The following ANK2 variants were observed in gnomAD, a reference collection of about 807,000 sequenced individuals.
The protein encoded by ANK2 is ankyrin 2, also known as ankyrin-2.
In ANK2, 83 loss-of-function variants were observed where a neutral mutation model predicts 360.5. That is an observed-to-expected ratio of 0.23 (90% CI 0.19 to 0.28). ANK2 has a LOEUF of 0.28. ANK2 is among the 10% of genes least tolerant of loss of function. The pLI is 1.00. For missense variants in ANK2, 4,201 were observed against 4,795.7 expected (o/e 0.88, Z 3.66); for synonymous variants, 1,740 against 1,759.5 (o/e 0.99, Z 0.28).
chr4:113,269,024 T>G (rs2057400343), intron 14 of ANK2, among the ~76,000 whole-genome samples: 1 of 152,232 alleles, frequency 6.6e-6, no homozygotes, highest in South Asian at 2.1e-4. Context: ...TTTTCTAGTT[T>G]ATTGGTGTAG....
chr4:113,000,965 A>G (rs1296430772), intron 2 of ANK2, among the ~76,000 whole-genome samples: 1 of 152,184 alleles, frequency 6.6e-6, no homozygotes, highest in Non-Finnish European at 1.5e-5. Context: ...CATGTCTGAG[A>G]TAGTAGATAT....
chr4:112,831,550 G>A (rs2059728929), intron 1 of ANK2, among the ~76,000 whole-genome samples: 1 of 148,706 alleles, frequency 6.7e-6, no homozygotes, highest in Non-Finnish European at 1.5e-5. Context: ...TGTCAAAACG[G>A]ACCAATCAAC....
the ANK2 span, among the ~76,000 whole-genome samples, chr4:112,796,667 TTTTTC>T: frequency 2.0e-5 from 3 of 151,472 alleles, no homozygotes; most frequent in South Asian, 6.2e-4. Context: ...TTTTTTTTTT[TTTTTC>T]TTTTCTTTTT....
At chr4:113,336,491 A>T in intron 30 of ANK2, 86 bp from the exon 31 acceptor site, 1 of 1,276,464 alleles carries the variant, frequency 7.8e-7, no homozygotes, top group Non-Finnish European at 1.1e-6. Context: ...ACTTTGGGGA[A>T]GAAATTTGAA....
chr4:112,715,523 G>A, the ANK2 span, among the ~76,000 whole-genome samples: 4 of 152,160 alleles, frequency 2.6e-5, no homozygotes, highest in African/African-American at 7.2e-5. Context: ...TTTTGTCATC[G>A]GATCAGGAGG....
intron 34 of ANK2, among the ~76,000 whole-genome samples, chr4:113,345,572 AC>A (rs2094748910): frequency 6.6e-6 from 1 of 152,208 alleles, no homozygotes; most frequent in Admixed American, 6.5e-5. Context: ...AAGTGTTCTC[AC>A]CACAAAAAAG....
chr4:113,351,993 C>A (rs1392071038), intron 37 of ANK2, among the ~76,000 whole-genome samples: 1 of 152,202 alleles, frequency 6.6e-6, no homozygotes, highest in African/African-American at 2.4e-5. Context: ...TAAGCCCCCA[C>A]AACCTAAGCC....
the ANK2 span, among the ~76,000 whole-genome samples, chr4:112,760,693 A>G: frequency 6.6e-6 from 1 of 151,910 alleles, no homozygotes. Flanking sequence ...CCCTCGCCCC[A>G]AATTCCATAT....
chr4:112,975,306 A>T (rs2154268419), intron 2 of ANK2, among the ~76,000 whole-genome samples: 1 of 152,238 alleles, frequency 6.6e-6, no homozygotes, highest in African/African-American at 2.4e-5. Flanking sequence ...CAACAATTTT[A>T]TTTATTTTTT....
intron 18 of ANK2, 108 bp from the exon 19 acceptor site, chr4:113,287,497 A>G: frequency 1.1e-6 from 1 of 890,084 alleles, no homozygotes; most frequent in Non-Finnish European, 1.8e-6. Context: ...AGAGGCTATG[A>G]GTTTTCCAGG....
chr4:113,209,587 A>T (rs2098997291), intron 4 of ANK2, among the ~76,000 whole-genome samples: 1 of 152,030 alleles, frequency 6.6e-6, no homozygotes, highest in Admixed American at 6.5e-5. Context: ...GTTTATTGGC[A>T]GGGTGCCTAA....
chr4:113,095,982 C>G (rs577011647), intron 1 of ANK2, among the ~76,000 whole-genome samples: 2 of 152,286 alleles, frequency 1.3e-5, no homozygotes, highest in East Asian at 3.9e-4. Flanking sequence ...TGCATATTGT[C>G]TGATTAGAAC....
chr4:113,276,230 T>C (rs1252813040), intron 15 of ANK2, among the ~76,000 whole-genome samples: 1 of 152,102 alleles, frequency 6.6e-6, no homozygotes, highest in East Asian at 1.9e-4. Context: ...AGTGAGCCAC[T>C]GCACCCGGCC....
At chr4:113,350,121 G>T in intron 36 of ANK2, 107 bp from the exon 37 acceptor site, 1 of 973,036 alleles carries the variant, frequency 1.0e-6, no homozygotes, top group South Asian at 1.4e-5. Context: ...TATAGCTATG[G>T]TGTCACCCAA....
chr4:112,753,835 T>A, the ANK2 span, among the ~76,000 whole-genome samples: 1 of 152,010 alleles, frequency 6.6e-6, no homozygotes, highest in South Asian at 2.1e-4. Context: ...TTGTGGCTCA[T>A]CCCTGTAATC....
At chr4:113,282,898 C>G (rs751286593) in intron 18 of ANK2, 26 bp downstream of exon 18, 1 of 1,611,362 alleles carries the variant, frequency 6.2e-7, no homozygotes, top group South Asian at 1.1e-5. Flanking sequence ...TTGCATCAAT[C>G]AAGAGTGTTT....
intron 1 of ANK2, among the ~76,000 whole-genome samples, chr4:112,895,626 C>T (rs1057036798): frequency 3.3e-5 from 5 of 152,132 alleles, no homozygotes; most frequent in Admixed American, 6.5e-5. Flanking sequence ...CTTGCAGATG[C>T]TGGCACTTCT....
In ANK2 at chr4:112,967,569, G is replaced by T. The variant is rs2037792817; in HGVS notation, c.21+63055G>T. ...AATCTGTGAAAAGGGTTACTGAAAT[G>T]ATGTATACTTTTCCAAAGGTGTGAA... On this transcript the variant is annotated intron_variant, in intron 2 of 30. Transcript: ENST00000503271. 2.0e-5 allele frequency among the ~76,000 whole-genome samples: 3 copies of T among 152,158 alleles called. No individual in the cohort carries two copies. In the South Asian group the frequency reaches 6.2e-4, roughly 32 times the overall value.
Position 113,301,955 on chromosome 4 carries a change from C to T in ANK2, c.2476-812C>T, listed in dbSNP as rs1218909027. ...ATATTTATGGAGTGCCAACATATGC[C>T]AAGCACTATTTTTAGAGCTCTTGCA... On this transcript the variant is annotated intron_variant, in intron 22 of 45. Coordinates refer to ENST00000357077, the MANE Select transcript of ANK2 (RefSeq NM_001148.6). Among the ~76,000 whole-genome samples, 4 of 152,144 alleles carry T rather than the reference C, an allele frequency of 2.6e-5. No individual in the cohort carries two copies. In the East Asian group the frequency reaches 5.8e-4, roughly 22 times the overall value.
Sources: gnomAD v4.1 joint callset for allele counts (sites outside exome capture counted in the v4.1 genomes callset) on GRCh38, gnomAD v4.1.1 for gene constraint, MANE v1.5 for transcripts, NCBI Gene and HGNC (gene_info 2026-07-23, HGNC 2026-07-21) for gene names.